LEKR1: variants seen among roughly 807,000 people sequenced by gnomAD.
LEKR1 encodes the protein leucine, glutamate and lysine rich 1.
Under a neutral mutation model 72.4 loss-of-function variants are expected in LEKR1, and 59 were observed. The ratio of observed to expected loss-of-function variants is 0.82; its 90% confidence interval spans 0.66 to 1.01. The LOEUF (loss-of-function observed/expected upper bound fraction) is 1.01. Ranked by LOEUF, LEKR1 falls within the 50% of genes least tolerant of loss-of-function variation. The probability of loss-of-function intolerance (pLI) is 0.00; values close to 1 mark genes in which losing one functional copy is unlikely to be tolerated. For missense variants in LEKR1, 728 were observed against 759.2 expected, an observed-to-expected ratio of 0.96 and a Z score of 0.48; for synonymous variants, 257 against 263.2, an observed-to-expected ratio of 0.98 and a Z score of 0.23.
chr3:156,880,604 T>G (rs1048600284), intron 3 of LEKR1, among the ~76,000 whole-genome samples: 1 of 152,224 alleles, frequency 6.6e-6, no homozygotes, highest in Admixed American at 6.5e-5. Flanking sequence ...CTTCTGAAAC[T>G]ATTCCAATCA....
At chr3:156,997,786 A>T (rs997781006) in intron 9 of LEKR1, among the ~76,000 whole-genome samples, 2 of 152,254 alleles carry the variant, frequency 1.3e-5, no homozygotes, top group Non-Finnish European at 2.9e-5. Flanking sequence ...CCTAGAAAAA[A>T]ACTAGCAGAA....
chr3:157,006,714 T>C (rs1394326480), intron 9 of LEKR1, among the ~76,000 whole-genome samples: 1 of 152,224 alleles, frequency 6.6e-6, no homozygotes, highest in African/African-American at 2.4e-5. Flanking sequence ...CCTGGATGAA[T>C]CTAAAATAAT....
intron 6 of LEKR1, among the ~76,000 whole-genome samples, chr3:156,963,217 A>G (rs1054988984): frequency 5.3e-5 from 8 of 152,140 alleles, no homozygotes; most frequent in Admixed American, 2.6e-4. Flanking sequence ...ACTATGATAG[A>G]TGTTCTGTCT....
At chr3:156,982,839 ATGTG>A (rs138059166) in intron 7 of LEKR1, among the ~76,000 whole-genome samples, 4 of 146,976 alleles carry the variant, frequency 2.7e-5, no homozygotes, top group African/African-American at 1.0e-4. Context: ...ATATATGAAT[ATGTG>A]TGTGTGTGTG....
At chr3:157,007,094 C>T (rs376260415) in intron 9 of LEKR1, among the ~76,000 whole-genome samples, 1 of 152,018 alleles carries the variant, frequency 6.6e-6, no homozygotes, top group Non-Finnish European at 1.5e-5. Context: ...CCCAGCTACT[C>T]GGGAGGCTGA....
At chr3:157,020,839 C>T (rs1331215800) in intron 10 of LEKR1, among the ~76,000 whole-genome samples, 2 of 151,890 alleles carry the variant, frequency 1.3e-5, no homozygotes, top group Non-Finnish European at 2.9e-5. Context: ...TTCTAGATCC[C>T]TGAGGAATCG....
intron 6 of LEKR1, among the ~76,000 whole-genome samples, chr3:156,944,096 T>A (rs1280396690): frequency 3.3e-5 from 5 of 151,676 alleles, no homozygotes; most frequent in African/African-American, 7.2e-5. Context: ...TTTGTTTTGG[T>A]ATAATCAATA....
chr3:157,001,973 G>C (rs113959017), intron 9 of LEKR1, among the ~76,000 whole-genome samples: 2 of 152,258 alleles, frequency 1.3e-5, no homozygotes, highest in African/African-American at 4.8e-5. Flanking sequence ...TCAAACAACT[G>C]ATCATGGAAT....
intron 3 of LEKR1, among the ~76,000 whole-genome samples, chr3:156,863,601 G>A (rs899201208): frequency 6.6e-6 from 1 of 152,048 alleles, no homozygotes; most frequent in African/African-American, 2.4e-5. Flanking sequence ...TCAAATTGGA[G>A]AAAAATGAAT....
intron 10 of LEKR1, among the ~76,000 whole-genome samples, chr3:157,013,134 C>G (rs761421107): frequency 7.2e-5 from 11 of 152,080 alleles, no homozygotes; most frequent in Non-Finnish European, 1.3e-4. Context: ...AACTTCCCAT[C>G]CTTTGATTCA....
chr3:156,969,661 A>G (rs1728975878), intron 6 of LEKR1, among the ~76,000 whole-genome samples: 3 of 152,226 alleles, frequency 2.0e-5, no homozygotes, highest in Admixed American at 6.5e-5. Flanking sequence ...GTCCAGGACC[A>G]GATGGATTCA....
intron 7 of LEKR1, among the ~76,000 whole-genome samples, chr3:156,981,338 G>C (rs1264909130): frequency 6.6e-6 from 1 of 152,156 alleles, no homozygotes; most frequent in Non-Finnish European, 1.5e-5. Flanking sequence ...CTTGTGCTGA[G>C]AAATGGTGAG....
intron 3 of LEKR1, among the ~76,000 whole-genome samples, chr3:156,866,177 T>G (rs1169197537): frequency 6.6e-6 from 1 of 152,044 alleles, no homozygotes; most frequent in Non-Finnish European, 1.5e-5. Flanking sequence ...AATTCTCCTT[T>G]GTCTGATATT....
intron 6 of LEKR1, among the ~76,000 whole-genome samples, chr3:156,966,345 G>A (rs1284835064): frequency 6.6e-6 from 1 of 152,190 alleles, no homozygotes; most frequent in African/African-American, 2.4e-5. Context: ...CCTCACCCGG[G>A]AAGTGCAAGG....
intron 2 of LEKR1, among the ~76,000 whole-genome samples, chr3:156,850,997 A>T (rs935524244): frequency 1.2e-4 from 18 of 152,222 alleles, no homozygotes; most frequent in African/African-American, 4.1e-4. Context: ...AATCAGATCT[A>T]AGGTTGCATT....
chr3:156,836,876 A>G (rs1363771894), intron 2 of LEKR1, among the ~76,000 whole-genome samples: 1 of 152,190 alleles, frequency 6.6e-6, no homozygotes, highest in Admixed American at 6.5e-5. Flanking sequence ...CCAGACTGCT[A>G]CTATAAAAGG....
At chr3:156,859,773 T>A (rs925700628) in intron 3 of LEKR1, among the ~76,000 whole-genome samples, 3 of 152,230 alleles carry the variant, frequency 2.0e-5, no homozygotes, top group Non-Finnish European at 4.4e-5. Context: ...TGTGTTCTAC[T>A]TATGCATCCT....
At chr3:156,888,409 G>T (rs1720324535) in intron 3 of LEKR1, 1 of 695,032 alleles carries the variant, frequency 1.4e-6, no homozygotes, top group Admixed American at 2.0e-5. Context: ...TCTGTGATTT[G>T]TTTTCCTTAG....
At position 156,979,245 on chromosome 3, in the gene LEKR1, CAG is replaced by C. The variant is rs1435274856; in HGVS notation, c.801_802del (p.Glu267AspfsTer5). ...GGATTAAAACTTCAGAAGGCGGTGACAGAGATGGACAACTATAAAGAAATGCT... is the reference window on the plus strand; with the variant it reads ...GGATTAAAACTTCAGAAGGCGGTGACAGATGGACAACTATAAAGAAATGCT... On this transcript the variant is annotated frameshift_variant, in exon 7 of 13. Transcript: ENST00000356539. LOFTEE classifies it high-confidence loss of function. 1 of 1,286,616 alleles carries C rather than the reference CAG, an allele frequency of 7.8e-7. No individual in the cohort carries two copies. The highest frequency in any genetic ancestry group is 2.3e-5 in the Admixed American group (1 of 43,554). The allele number at this position is 1,286,616 out of a possible 1,614,324, so 79.7% of individuals were successfully genotyped here.
Sources: gnomAD v4.1 joint callset for allele counts (sites outside exome capture counted in the v4.1 genomes callset) on GRCh38, gnomAD v4.1.1 for gene constraint, MANE v1.5 for transcripts, NCBI Gene and HGNC (gene_info 2026-07-23, HGNC 2026-07-21) for gene names.